PRKCZ: variants seen among roughly 807,000 people sequenced by gnomAD.
PRKCZ encodes protein kinase C zeta type.
In PRKCZ, 33 loss-of-function variants were observed where a neutral mutation model predicts 79.5. That is an observed-to-expected ratio of 0.41 (90% CI 0.31 to 0.55). The LOEUF is 0.55. Ranked by LOEUF, PRKCZ falls within the 20% of genes least tolerant of loss-of-function variation. The probability of loss-of-function intolerance (pLI) is 0.19; values close to 1 mark genes in which losing one functional copy is unlikely to be tolerated. For synonymous variants in PRKCZ, 342 were observed against 320.9 expected (o/e 1.07, Z -0.70); for missense variants, 578 against 813.5 (o/e 0.71, Z 3.52).
intron 7 of PRKCZ, among the ~76,000 whole-genome samples, chr1:2,148,041 A>G (rs1425812801): frequency 6.7e-6 from 1 of 150,124 alleles, no homozygotes; most frequent in Non-Finnish European, 1.5e-5. Flanking sequence ...CCATCTATCC[A>G]TCCACTGTCC....
intron 4 of PRKCZ, among the ~76,000 whole-genome samples, chr1:2,097,619 G>A (rs563243019): frequency 1.3e-5 from 2 of 151,078 alleles, no homozygotes; most frequent in East Asian, 1.9e-4. Flanking sequence ...GCACCCAGCT[G>A]TAGAGCCCCA....
intron 4 of PRKCZ, among the ~76,000 whole-genome samples, chr1:2,069,854 C>G (rs190628015): frequency 3.3e-5 from 5 of 152,276 alleles, no homozygotes; most frequent in South Asian, 4.1e-4. Flanking sequence ...TCTGGGGCTC[C>G]TAAGTGGGTA....
intron 5 of PRKCZ, 50 bp downstream of exon 5, chr1:2,135,397 T>C: frequency 6.7e-7 from 1 of 1,499,852 alleles, no homozygotes; most frequent in Non-Finnish European, 9.1e-7. Context: ...TTGTTACTTT[T>C]AAAAGCAAAG....
chr1:2,112,578 CCTT>C lies in PRKCZ; in HGVS notation c.335-22681_335-22679del, dbSNP rs536453007. The stretch of plus-strand genomic sequence containing the variant: ...AATGGGACCCCACACGTTTCCTCCT[CCTT>C]CTCTGGATGCCTGTAATCATCACAG... On this transcript the variant is annotated intron_variant, in intron 4 of 17. Coordinates refer to ENST00000378567, the MANE Select transcript of PRKCZ (RefSeq NM_002744.6). Among the ~76,000 whole-genome samples the C allele has an allele frequency of 1.9e-3, 285 of 152,286 alleles. 5 individuals are homozygous for C. Among genetic ancestry groups the C allele is most frequent in the East Asian group, 5.8e-4 (3 of 5,184 alleles).
chr1:2,073,625 AG>A, intron 4 of PRKCZ: 1 of 989,328 alleles, frequency 1.0e-6, no homozygotes, highest in Middle Eastern at 5.2e-4. Flanking sequence ...CGTCAGCGTC[AG>A]CTCCTGCACA....
intron 10 of PRKCZ, among the ~76,000 whole-genome samples, chr1:2,162,207 C>T (rs1682458161): frequency 1.3e-5 from 2 of 152,204 alleles, no homozygotes. Flanking sequence ...TCTTGGCTCA[C>T]TGCAACCTCC....
At chr1:2,100,421 C>T (rs779754587) in intron 4 of PRKCZ, among the ~76,000 whole-genome samples, 3 of 152,192 alleles carry the variant, frequency 2.0e-5, no homozygotes, top group African/African-American at 4.8e-5. Context: ...TCCCTGATCT[C>T]TGGAGTCCAG....
chr1:2,071,916 C>T (rs1273480746), intron 4 of PRKCZ, among the ~76,000 whole-genome samples: 3 of 152,278 alleles, frequency 2.0e-5, no homozygotes, highest in East Asian at 1.9e-4. Flanking sequence ...GGTGCATGGC[C>T]GTGTCCTAGT....
chr1:2,153,794 G>A (rs971140417), intron 9 of PRKCZ, among the ~76,000 whole-genome samples: 2 of 152,246 alleles, frequency 1.3e-5, no homozygotes, highest in African/African-American at 2.4e-5. Context: ...TCTGTGGGCC[G>A]GGATGCCGAG....
chr1:2,160,422 G>C (rs1035022655), intron 10 of PRKCZ, among the ~76,000 whole-genome samples: 6 of 152,176 alleles, frequency 3.9e-5, no homozygotes, highest in Admixed American at 1.3e-4. Context: ...TCCGTGGAGA[G>C]GGGGGCAGGC....
rs952285714 is a variant in PRKCZ at position 2,059,604 on chromosome 1, G to C, written c.334+13G>C. 5 of 1,613,942 alleles carry C rather than the reference G, an allele frequency of 3.1e-6. No homozygotes were observed. In the African/African-American group the frequency reaches 6.7e-5, roughly 22 times the overall value. ...CCGGGAGAAGACAGTGAGTACTGGG[G>C]TTTCCTACGCCGGTCTCGCATGTTA... On this transcript the variant is annotated intron_variant, in intron 4 of 17. Coordinates refer to ENST00000378567, the MANE Select transcript of PRKCZ (RefSeq NM_002744.6).
chr1:2,080,287 A>G (rs1228458101), intron 4 of PRKCZ, among the ~76,000 whole-genome samples: 9 of 129,296 alleles, frequency 7.0e-5, no homozygotes. Flanking sequence ...TAAAGTATGC[A>G]GGAAAACCAG....
At chr1:2,138,614 A>G (rs770526533) in intron 5 of PRKCZ, among the ~76,000 whole-genome samples, 1 of 151,910 alleles carries the variant, frequency 6.6e-6, no homozygotes, top group Non-Finnish European at 1.5e-5. Flanking sequence ...CTCCCATCAC[A>G]GTAAACGGCA....
intron 4 of PRKCZ, among the ~76,000 whole-genome samples, chr1:2,113,927 G>A (rs545685826): frequency 1.3e-5 from 2 of 152,236 alleles, no homozygotes; most frequent in African/African-American, 4.8e-5. Context: ...TGTAGAGAGG[G>A]CGGGGGCCCA....
intron 3 of PRKCZ, among the ~76,000 whole-genome samples, chr1:2,058,379 G>A (rs1357466872): frequency 6.6e-6 from 1 of 150,738 alleles, no homozygotes; most frequent in Non-Finnish European, 1.5e-5. Context: ...TCGGGAGGCT[G>A]AGGTGGGAGG....
intron 4 of PRKCZ, among the ~76,000 whole-genome samples, chr1:2,107,858 C>T (rs1468588384): frequency 1.3e-5 from 2 of 151,068 alleles, no homozygotes; most frequent in South Asian, 2.1e-4. Flanking sequence ...AGGGCAGTGT[C>T]GAGGGAGCCC....
chr1:2,103,793 G>A (rs949034688), intron 4 of PRKCZ, among the ~76,000 whole-genome samples: 13 of 152,184 alleles, frequency 8.5e-5, no homozygotes, highest in Non-Finnish European at 1.8e-4. Context: ...CTGGGGCGGC[G>A]GGTGAGTGCT....
intron 4 of PRKCZ, among the ~76,000 whole-genome samples, chr1:2,121,883 G>A (rs796645162): frequency 2.0e-4 from 3 of 14,770 alleles, no homozygotes; most frequent in South Asian, 1.9e-3. Flanking sequence ...GGGTCACGGT[G>A]GTGGTTAGGG....
At chr1:2,164,212 GAC>G (rs772086548) in intron 10 of PRKCZ, among the ~76,000 whole-genome samples, 83 of 152,336 alleles carry the variant, frequency 5.4e-4, no homozygotes, top group Non-Finnish European at 1.1e-3. Context: ...GATCAAGGGA[GAC>G]ACAGGATGGA....
Sources: gnomAD v4.1 joint callset for allele counts (sites outside exome capture counted in the v4.1 genomes callset) on GRCh38, gnomAD v4.1.1 for gene constraint, MANE v1.5 for transcripts, NCBI Gene and HGNC (gene_info 2026-07-23, HGNC 2026-07-21) for gene names.